Variants in LTN1 observed in about 807,000 individuals in gnomAD.
LTN1 encodes listerin E3 ubiquitin protein ligase 1.
A neutral mutation model predicts 201.2 loss-of-function variants in LTN1; 88 were observed. The observed-to-expected ratio is 0.44, with a 90% CI of 0.37 to 0.52. The LOEUF (loss-of-function observed/expected upper bound fraction) is 0.52, where lower values mean the gene tolerates loss of function less well. LTN1 is among the 20% of genes least tolerant of loss of function. The pLI is 0.00. For synonymous variants in LTN1, 645 were observed against 713.5 expected (o/e 0.90, Z 1.53); for missense variants, 1,752 against 2,038.7 (o/e 0.86, Z 2.71).
At chr21:28,958,653 A>T (rs778977720) in intron 13 of LTN1, 114 bp from the exon 14 acceptor site, 29 of 733,394 alleles carry the variant, frequency 4.0e-5, no homozygotes, top group Non-Finnish European at 5.7e-5. Context: ...CATTTAAAAA[A>T]GAAAAATTTT....
intron 3 of LTN1, 49 bp from the exon 4 acceptor site, chr21:28,984,971 A>C (rs2084686147): frequency 7.3e-7 from 1 of 1,377,364 alleles, no homozygotes; most frequent in Non-Finnish European, 1.0e-6. Context: ...CCATAAAAAC[A>C]ATCACAGACA....
At position 28,986,143 on chromosome 21, in the gene LTN1, G is replaced by T; in HGVS notation, c.341C>A (p.Ser114Ter). ...TAGCAAAGTTTTAATACTTACAAGT[G>T]AAATTTTGCAAAAAATTCTTGGCCA... is the stretch of plus-strand genomic sequence containing the variant. ...PYWPRIFCKI[S>*]LDHDRRVREA... Residue 114 changes from serine (S) to a stop codon, truncating the protein, a stop_gained, in exon 3 of 30, where the codon TCA becomes TAA. Transcript: ENST00000361371. LOFTEE classifies it high-confidence loss of function. The surrounding 1 kb of genome is among the most constrained non-coding windows in gnomAD (Gnocchi z 4.1). 6.3e-7 allele frequency: 1 copy of T among 1,597,260 alleles called. No homozygotes were observed. The highest frequency in any genetic ancestry group is 1.1e-5 in the South Asian group (1 of 90,746).
At chr21:28,962,323 C>A (rs1043663410) in intron 11 of LTN1, among the ~76,000 whole-genome samples, 11 of 152,140 alleles carry the variant, frequency 7.2e-5, no homozygotes, top group Admixed American at 6.5e-4. Flanking sequence ...CTGCATTGAG[C>A]AAGTTTATTG....
chr21:28,981,111 T>G lies in LTN1; in HGVS notation c.810+8A>C, dbSNP rs374652256. The G allele has an allele frequency of 3.0e-5, 45 of 1,489,512 alleles. No individual in the cohort carries two copies. In the African/African-American group the frequency reaches 5.7e-4, roughly 19 times the overall value. 92.3% of individuals were successfully genotyped at this position (1,489,512 alleles called of 1,614,324 possible). ...AGAAATGTCTTAAGATAAAAAAGAT[T>G]AATATACCTGAGGTACACTGTGTTT... On this transcript the variant is annotated splice_region_variant and intron_variant, in intron 6 of 29. Transcript: ENST00000361371.
At chr21:28,990,756 C>A (rs1032178824) in intron 1 of LTN1, among the ~76,000 whole-genome samples, 7 of 152,138 alleles carry the variant, frequency 4.6e-5, no homozygotes, top group African/African-American at 1.7e-4. Context: ...AAGGAAAAAA[C>A]TAGATGAATC....
chr21:28,969,646 A>T, intron 8 of LTN1, 45 bp from the exon 9 acceptor site: 1 of 1,451,192 alleles, frequency 6.9e-7, no homozygotes, highest in Non-Finnish European at 9.3e-7. Flanking sequence ...TGAAGAAGAA[A>T]CAAGAACTCA....
At chr21:28,947,421 G>A in intron 19 of LTN1, 43 bp downstream of exon 19, 2 of 1,429,706 alleles carry the variant, frequency 1.4e-6, no homozygotes, top group East Asian at 2.6e-5. Flanking sequence ...TTCATCTCAA[G>A]CAATAATTAA....
rs935761815 is a variant in LTN1, at chr21:28,959,443, G to A, written c.2593+15C>T. 1 of 1,608,164 alleles carries A rather than the reference G, an allele frequency of 6.2e-7. No individual in the cohort carries two copies. The highest frequency in any genetic ancestry group is 1.3e-5 in the African/African-American group (1 of 74,726). On this transcript the variant is annotated intron_variant, in intron 13 of 29. Transcript: ENST00000361371. ...CGGAGATTCCCAACAAAACATTTGA[G>A]CAGTAGGCTATTACCTGGCAAATGT...
intron 16 of LTN1, among the ~76,000 whole-genome samples, chr21:28,955,093 GA>G (rs59331252): frequency 6.6e-6 from 1 of 150,466 alleles, no homozygotes; most frequent in African/African-American, 2.4e-5. Flanking sequence ...GGCAAGAAAG[GA>G]AAAAAAAATC....
intron 10 of LTN1, 63 bp downstream of exon 10, chr21:28,966,307 T>C (rs1432238266): frequency 1.5e-5 from 20 of 1,333,714 alleles, no homozygotes; most frequent in Non-Finnish European, 1.9e-5. Context: ...CAGAAAACAA[T>C]AAGCAGGCTC....
intron 11 of LTN1, chr21:28,964,512 A>G (rs1205497481): frequency 1.4e-6 from 2 of 1,418,996 alleles, no homozygotes; most frequent in African/African-American, 2.9e-5. Context: ...TAACTTTTAT[A>G]TGCACTGGCA....
Position 28,969,567 on chromosome 21 carries a change from C to A in LTN1, c.1210G>T (p.Glu404Ter). ...AAAGCAGATATTACTGCCGAGGACT[C>A]TAAAGAGCTGGTTTTAGTTCTCTCT... ...STERTKTSSL[E>*]SSAVISAFFE... The change falls in exon 9 of 30, where the codon GAG becomes TAG. Residue 404 changes from glutamate (E) to a stop codon, truncating the protein, a stop_gained. Coordinates refer to ENST00000361371, the MANE Select transcript of LTN1 (RefSeq NM_015565.3). LOFTEE classifies it high-confidence loss of function. 1 of 1,611,246 alleles carries A rather than the reference C, an allele frequency of 6.2e-7. No individual in the cohort carries two copies. The highest frequency in any genetic ancestry group is 8.5e-7 in the Non-Finnish European group (1 of 1,178,610).
chr21:28,940,543 C>T (rs1046025692), intron 25 of LTN1, among the ~76,000 whole-genome samples: 3 of 151,538 alleles, frequency 2.0e-5, no homozygotes, highest in African/African-American at 7.3e-5. Flanking sequence ...TATATCTCCA[C>T]AACAGAGTGA....
rs546250347 is a variant in LTN1, at chr21:28,984,360, T to A, written c.576+332A>T. 2.6e-5 allele frequency among the ~76,000 whole-genome samples: 4 copies of A among 152,158 alleles called. No individual in the cohort carries two copies. In the South Asian group the frequency reaches 8.3e-4, roughly 32 times the overall value. ...ATCTGTATATATATATATATTGATA[T>A]GGAAACACGAGAGAAAATAATTTTA... On this transcript the variant is annotated intron_variant, in intron 4 of 29. Coordinates refer to ENST00000361371, the MANE Select transcript of LTN1 (RefSeq NM_015565.3).
In LTN1 at chr21:28,944,519, A is replaced by C; in HGVS notation, c.3846T>G (p.Cys1282Trp). 1 of 1,614,072 alleles carries C rather than the reference A, an allele frequency of 6.2e-7. No individual in the cohort carries two copies. Among genetic ancestry groups the C allele is most frequent in the Non-Finnish European group, 8.5e-7 (1 of 1,179,954 alleles). Reference protein sequence around the residue: ...LFACVSCDLACDLSAFFDSTT... With the variant: ...LFACVSCDLAWDLSAFFDSTT... ...TGGAATCAAAGAAAGCACTGAGGTCACAGGCCAAATCACAGCTGACACAGG... is the reference window on the plus strand; with the variant it reads ...TGGAATCAAAGAAAGCACTGAGGTCCCAGGCCAAATCACAGCTGACACAGG... Residue 1282 changes from cysteine to tryptophan, a missense_variant, in exon 22 of 30, where the codon TGT (cysteine) becomes TGG (tryptophan). Around this residue, in one of 3 missense-constraint regions of LTN1, gnomAD observed 1,211 missense variants for 1,312.8 expected, o/e 0.92. Coordinates refer to ENST00000361371, the MANE Select transcript of LTN1 (RefSeq NM_015565.3).
intron 16 of LTN1, among the ~76,000 whole-genome samples, chr21:28,956,420 A>G (rs989224430): frequency 6.6e-6 from 1 of 152,136 alleles, no homozygotes; most frequent in Non-Finnish European, 1.5e-5. Context: ...TTTTTAATCA[A>G]CAGAAAATTC....
At chr21:28,930,595 T>A in intron 29 of LTN1, 85 bp from the exon 30 acceptor site, 1 of 840,166 alleles carries the variant, frequency 1.2e-6, no homozygotes, top group Non-Finnish European at 1.9e-6. Context: ...ACATCTATAG[T>A]AACCTTCAAA....
At chr21:28,933,520 T>C (rs892458211) in intron 27 of LTN1, among the ~76,000 whole-genome samples, 1 of 152,208 alleles carries the variant, frequency 6.6e-6, no homozygotes, top group African/African-American at 2.4e-5. Flanking sequence ...CTTCCCAACA[T>C]ACCTCTTATT....
rs2084698361 is a variant in LTN1, at chr21:28,986,332, G to A, written c.247-95C>T. 1 of 775,608 alleles carries A rather than the reference G, an allele frequency of 1.3e-6. No homozygotes were observed. The highest frequency in any genetic ancestry group is 2.2e-6 in the Non-Finnish European group (1 of 455,068). The allele number at this position is 775,608 out of a possible 1,614,324, so 48.0% of individuals were successfully genotyped here. A position where few individuals can be genotyped will look rare whatever the true frequency, so the allele number is the denominator to read the frequency against. On this transcript the variant is annotated intron_variant, in intron 2 of 29. Coordinates refer to ENST00000361371, the MANE Select transcript of LTN1 (RefSeq NM_015565.3). The surrounding 1 kb of genome is among the most constrained non-coding windows in gnomAD (Gnocchi z 4.1). ...GAAGCTTTGTCTATTTTATGTAATA[G>A]GAGAATACACTATTTCTCTTTATGC... is the stretch of plus-strand genomic sequence containing the variant.
Sources: gnomAD v4.1 joint callset for allele counts (sites outside exome capture counted in the v4.1 genomes callset) on GRCh38, gnomAD v4.1.1 for gene constraint, gnomAD v4.1.1 regional missense constraint, Gnocchi (gnomAD v3.1) non-coding constraint, MANE v1.5 for transcripts, NCBI Gene and HGNC (gene_info 2026-07-23, HGNC 2026-07-21) for gene names.